Variants in KHDRBS2 observed in about 807,000 individuals in gnomAD.
KHDRBS2 encodes the protein KH RNA binding domain containing, signal transduction associated 2.
A neutral mutation model predicts 44.3 loss-of-function variants in KHDRBS2; 26 were observed. That is an observed-to-expected ratio of 0.59 (90% CI 0.43 to 0.81). The LOEUF is 0.81. Among genes scored for constraint, KHDRBS2 ranks in the 40% least tolerant of loss-of-function variants. The pLI is 0.00. For missense variants in KHDRBS2, 476 were observed against 433.1 expected (o/e 1.10, Z -0.88); for synonymous variants, 194 against 151.1 (o/e 1.28, Z -2.08).
At chr6:61,720,539 C>T (rs1041253481) in intron 7 of KHDRBS2, among the ~76,000 whole-genome samples, 22 of 152,144 alleles carry the variant, frequency 1.4e-4, no homozygotes, top group Non-Finnish European at 2.2e-4. Context: ...TGATGGTGAA[C>T]ATTTTTTCAT....
intron 4 of KHDRBS2, among the ~76,000 whole-genome samples, chr6:61,962,958 T>TGGTGAGC (rs1378593972): frequency 6.6e-6 from 1 of 152,056 alleles, no homozygotes; most frequent in Non-Finnish European, 1.5e-5. Context: ...CATGTATGAT[T>TGGTGAGC]AAAAGGAAAT....
chr6:61,907,940 C>T (rs1562417460), intron 4 of KHDRBS2, among the ~76,000 whole-genome samples: 1 of 152,200 alleles, frequency 6.6e-6, no homozygotes, highest in East Asian at 1.9e-4. Flanking sequence ...CCAAGTTTAG[C>T]TTGGAAACAT....
At chr6:61,847,597 C>T (rs1354008628) in intron 6 of KHDRBS2, among the ~76,000 whole-genome samples, 1 of 152,004 alleles carries the variant, frequency 6.6e-6, no homozygotes, top group African/African-American at 2.4e-5. Flanking sequence ...AAAACATGTA[C>T]GTAACAGGAT....
chr6:62,134,370 G>A (rs1562936958), intron 2 of KHDRBS2, among the ~76,000 whole-genome samples: 2 of 152,158 alleles, frequency 1.3e-5, no homozygotes, highest in Non-Finnish European at 2.9e-5. Flanking sequence ...TGAGGTTTGG[G>A]AACCTCTGCC....
chr6:61,754,366 A>G (rs1205662538), intron 6 of KHDRBS2, among the ~76,000 whole-genome samples: 2 of 152,152 alleles, frequency 1.3e-5, no homozygotes, highest in Non-Finnish European at 2.9e-5. Flanking sequence ...CTTCAGTCGT[A>G]TGTGTGCTGT....
intron 3 of KHDRBS2, among the ~76,000 whole-genome samples, chr6:62,038,318 CTG>C (rs1209140859): frequency 8.3e-6 from 1 of 120,070 alleles, no homozygotes; most frequent in Non-Finnish European, 2.0e-5. Flanking sequence ...TGAGAAGCTG[CTG>C]ATTTTTTTTT....
At chr6:61,867,719 G>A (rs1235586793) in intron 6 of KHDRBS2, among the ~76,000 whole-genome samples, 5 of 152,114 alleles carry the variant, frequency 3.3e-5, no homozygotes, top group Non-Finnish European at 7.4e-5. Flanking sequence ...GCCGTTTGCT[G>A]GCCATCTGCT....
chr6:62,026,415 T>C (rs1783317239), intron 3 of KHDRBS2, among the ~76,000 whole-genome samples: 3 of 129,444 alleles, frequency 2.3e-5, no homozygotes, highest in South Asian at 5.0e-4. Context: ...TATTTTATTT[T>C]ATTTATTATT....
Position 61,955,555 on chromosome 6 carries a change from T to TATGC in KHDRBS2, c.483+22510_483+22511insGCAT, listed in dbSNP as rs777775601. The stretch of plus-strand genomic sequence containing the variant: ...ATGTGTATATATACACATATGTATG[T>TATGC]ATACATGTGTATATATACACGTATG... On this transcript the variant is annotated intron_variant, in intron 4 of 8. Transcript: ENST00000281156. Among the ~76,000 whole-genome samples the TATGC allele has an allele frequency of 6.2e-4, 21 of 33,612 alleles. 7 individuals carry two copies. In the South Asian group the frequency reaches 9.6e-3, roughly 15 times the overall value. 22.1% of individuals were successfully genotyped at this position (33,612 alleles called of 152,430 possible).
chr6:62,211,834 C>T (rs776820999), intron 1 of KHDRBS2, among the ~76,000 whole-genome samples: 40 of 152,078 alleles, frequency 2.6e-4, no homozygotes, highest in Non-Finnish European at 5.1e-4. Flanking sequence ...ATAAATCATT[C>T]TATTATAAAG....
At chr6:61,899,731 A>AT (rs762610155) in intron 5 of KHDRBS2, among the ~76,000 whole-genome samples, 2 of 109,026 alleles carry the variant, frequency 1.8e-5, no homozygotes, top group African/African-American at 5.9e-5. Context: ...CATTGTTTTA[A>AT]TGCCCCCCCC....
chr6:61,567,440 C>A, the KHDRBS2 span, among the ~76,000 whole-genome samples: 2 of 152,068 alleles, frequency 1.3e-5, no homozygotes, highest in Non-Finnish European at 2.9e-5. Context: ...TTGAGACCAG[C>A]CTCAGCAACA....
intron 4 of KHDRBS2, among the ~76,000 whole-genome samples, chr6:61,953,565 C>G (rs2086688491): frequency 1.3e-5 from 2 of 152,060 alleles, no homozygotes; most frequent in Non-Finnish European, 2.9e-5. Context: ...CCTTCAGCCA[C>G]AGACTGAAAA....
intron 6 of KHDRBS2, among the ~76,000 whole-genome samples, chr6:61,801,427 G>T (rs1786253513): frequency 1.3e-5 from 2 of 152,090 alleles, no homozygotes; most frequent in African/African-American, 4.8e-5. Context: ...CTTAAGCTGA[G>T]CATTAATGAT....
intron 6 of KHDRBS2, among the ~76,000 whole-genome samples, chr6:61,885,889 T>G (rs1800879851): frequency 6.6e-6 from 1 of 152,090 alleles, no homozygotes. Flanking sequence ...CTGTGCCTCT[T>G]CCTTTACCCA....
At chr6:62,105,177 G>C (rs535669134) in intron 2 of KHDRBS2, among the ~76,000 whole-genome samples, 1 of 152,212 alleles carries the variant, frequency 6.6e-6, no homozygotes, top group African/African-American at 2.4e-5. Context: ...GGCTTCAATA[G>C]TGAATTCTAT....
chr6:61,667,692 C>T, the KHDRBS2 span, among the ~76,000 whole-genome samples: 2 of 151,264 alleles, frequency 1.3e-5, no homozygotes, highest in African/African-American at 4.8e-5. Flanking sequence ...TTTAGCACAG[C>T]AGACTATTTG....
At chr6:61,925,093 T>C (rs1265583700) in intron 4 of KHDRBS2, among the ~76,000 whole-genome samples, 1 of 152,168 alleles carries the variant, frequency 6.6e-6, no homozygotes, top group Non-Finnish European at 1.5e-5. Context: ...AATCTTGTAA[T>C]TGAATTGGTT....
At chr6:61,955,365 T>C (rs1203875297) in intron 4 of KHDRBS2, among the ~76,000 whole-genome samples, 2 of 120,944 alleles carry the variant, frequency 1.7e-5, no homozygotes, top group African/African-American at 3.3e-5. Context: ...TATGTATACA[T>C]ATACGTGTAT....
Sources: gnomAD v4.1 joint callset for allele counts (sites outside exome capture counted in the v4.1 genomes callset) on GRCh38, gnomAD v4.1.1 for gene constraint, MANE v1.5 for transcripts, NCBI Gene and HGNC (gene_info 2026-07-23, HGNC 2026-07-21) for gene names.